The following DPYD variants were observed in gnomAD, a reference collection of about 807,000 sequenced individuals.
DPYD encodes the protein dihydropyrimidine dehydrogenase.
A neutral mutation model predicts 116.2 loss-of-function variants in DPYD; 109 were observed. The ratio of observed to expected loss-of-function variants is 0.94; its 90% CI spans 0.80 to 1.10. The LOEUF (loss-of-function observed/expected upper bound fraction) is 1.10, where lower values mean the gene tolerates loss of function less well. Ranked by LOEUF, DPYD falls within the 50% of genes least tolerant of loss-of-function variation. The pLI, the probability that DPYD is intolerant of heterozygous loss-of-function variation, is 0.00. For missense variants in DPYD, 1,302 were observed against 1,254.5 expected (o/e 1.04, Z -0.57); for synonymous variants, 440 against 432.0 (o/e 1.02, Z -0.23).
chr1:97,659,379 T>C (rs1252306470), intron 8 of DPYD, among the ~76,000 whole-genome samples: 1 of 152,144 alleles, frequency 6.6e-6, no homozygotes, highest in East Asian at 1.9e-4. Flanking sequence ...TCAATGATAA[T>C]TTTTAGATTA....
In DPYD at chr1:97,444,752, A is replaced by G. The variant is rs545702675; in HGVS notation, c.1905+5307T>C. Among the ~76,000 whole-genome samples the G allele has an allele frequency of 2.0e-5, 3 of 152,308 alleles. No homozygotes were observed. In the South Asian group the frequency reaches 6.2e-4, roughly 32 times the overall value. Reference sequence around the variant, plus strand: ...AAGGAGATTCCAATATCCAAACAGAATAGAGAGCTACTGGACATAGGTTCT... The same window carrying G: ...AAGGAGATTCCAATATCCAAACAGAGTAGAGAGCTACTGGACATAGGTTCT... On this transcript the variant is annotated intron_variant, in intron 14 of 22. Coordinates refer to ENST00000370192, the MANE Select transcript of DPYD (RefSeq NM_000110.4).
chr1:97,817,593 C>A (rs1668695322), intron 3 of DPYD, among the ~76,000 whole-genome samples: 1 of 151,954 alleles, frequency 6.6e-6, no homozygotes, highest in Non-Finnish European at 1.5e-5. Context: ...AAAATGCCAA[C>A]GTGCTTATAA....
intron 18 of DPYD, among the ~76,000 whole-genome samples, chr1:97,240,681 C>T (rs12133176): frequency 0.13 from 19,813 of 151,778 alleles, 1,386 homozygotes; most frequent in South Asian, 0.25. Context: ...TGAACCTTGA[C>T]TGTCTAATTG....
chr1:97,825,368 GT>G (rs1480306894), intron 3 of DPYD, among the ~76,000 whole-genome samples: 2 of 152,024 alleles, frequency 1.3e-5, no homozygotes, highest in African/African-American at 4.8e-5. Flanking sequence ...ACCCAAGATG[GT>G]GAAAGGCCCC....
intron 18 of DPYD, among the ~76,000 whole-genome samples, chr1:97,256,623 T>C (rs1663491558): frequency 6.6e-6 from 1 of 152,056 alleles, no homozygotes; most frequent in South Asian, 2.1e-4. Flanking sequence ...GAACTGTGAG[T>C]CCATTAAACC....
chr1:97,129,417 G>A (rs1219124996), intron 20 of DPYD, among the ~76,000 whole-genome samples: 1 of 152,032 alleles, frequency 6.6e-6, no homozygotes, highest in Admixed American at 6.6e-5. Context: ...CAAATTTTCA[G>A]TTGCCTCATA....
chr1:97,369,929 C>T (rs1671230973), intron 16 of DPYD, among the ~76,000 whole-genome samples: 1 of 152,104 alleles, frequency 6.6e-6, no homozygotes, highest in Admixed American at 6.6e-5. Flanking sequence ...TTAGTAAAAA[C>T]AAGAATCACT....
chr1:97,504,654 C>T (rs536968282), intron 13 of DPYD, among the ~76,000 whole-genome samples: 1 of 151,854 alleles, frequency 6.6e-6, no homozygotes, highest in East Asian at 1.9e-4. Context: ...AAGTATGTCT[C>T]CTAAAGAGGA....
At chr1:97,364,696 A>G (rs1374405076) in intron 16 of DPYD, among the ~76,000 whole-genome samples, 1 of 152,200 alleles carries the variant, frequency 6.6e-6, no homozygotes, top group African/African-American at 2.4e-5. Flanking sequence ...AAAATCTGTG[A>G]TTATCAATAA....
intron 11 of DPYD, among the ~76,000 whole-genome samples, chr1:97,558,200 TTC>T (rs1389046296): frequency 6.6e-6 from 1 of 152,152 alleles, no homozygotes; most frequent in Non-Finnish European, 1.5e-5. Flanking sequence ...ACTAACGACT[TTC>T]TGTTACGCTA....
At position 97,132,583 on chromosome 1, in the gene DPYD, C is replaced by G. The variant is rs533839575; in HGVS notation, c.2623-33951G>C. Among the ~76,000 whole-genome samples the G allele has an allele frequency of 2.1e-4, 32 of 152,236 alleles. No homozygotes were observed. The South Asian group carries it at 4.8e-3, about 23-fold the overall frequency. ...CAACAACTACTACATAAATTTAGCACTCTAAAAATTCTATCATAAATTCTA... is the reference window on the plus strand; with the variant it reads ...CAACAACTACTACATAAATTTAGCAGTCTAAAAATTCTATCATAAATTCTA... On this transcript the variant is annotated intron_variant, in intron 20 of 22. Transcript: ENST00000370192.
intron 4 of DPYD, among the ~76,000 whole-genome samples, chr1:97,735,334 T>C (rs1343836432): frequency 6.6e-6 from 1 of 151,864 alleles, no homozygotes; most frequent in Non-Finnish European, 1.5e-5. Flanking sequence ...CGCAGAGACT[T>C]TTAATAGTAA....
intron 18 of DPYD, among the ~76,000 whole-genome samples, chr1:97,254,834 A>G (rs1663344157): frequency 6.6e-6 from 1 of 152,180 alleles, no homozygotes; most frequent in South Asian, 2.1e-4. Context: ...TACCCAAAAC[A>G]AGAAGAAAAG....
At chr1:97,468,426 C>G in intron 13 of DPYD, among the ~76,000 whole-genome samples, 1 of 151,940 alleles carries the variant, frequency 6.6e-6, no homozygotes, top group South Asian at 2.1e-4. Flanking sequence ...TAGAAGAGAC[C>G]CCTAGAGAGA....
intron 10 of DPYD, among the ~76,000 whole-genome samples, chr1:97,582,337 C>A (rs901030428): frequency 1.3e-5 from 2 of 152,014 alleles, no homozygotes; most frequent in Admixed American, 6.6e-5. Context: ...TTAATTGTAT[C>A]CTTGAAGTTA....
chr1:97,143,075 CT>C (rs1316758851), intron 20 of DPYD, among the ~76,000 whole-genome samples: 2 of 151,626 alleles, frequency 1.3e-5, no homozygotes, highest in Non-Finnish European at 2.9e-5. Context: ...CAAATGCATG[CT>C]TTTTTTAAAT....
chr1:97,542,724 C>T lies in DPYD; in HGVS notation c.1524+6836G>A, dbSNP rs145444581. On this transcript the variant is annotated intron_variant, in intron 12 of 22. Transcript: ENST00000370192. ...TACTAGACAATAGGATTCTTACTTG[C>T]AAATTTAAATCTAATAATTGGTGCT... Among the ~76,000 whole-genome samples the T allele has an allele frequency of 7.4e-3, 1,128 of 152,186 alleles. 12 individuals carry two copies. The highest frequency in any genetic ancestry group is 0.012 in the Non-Finnish European group (820 of 67,996).
intron 7 of DPYD, chr1:97,691,494 AG>A (rs1438496568): frequency 1.9e-5 from 9 of 478,264 alleles, no homozygotes; most frequent in African/African-American, 1.8e-4. Flanking sequence ...AATCACATGC[AG>A]GCATGCCAGA....
chr1:97,739,688 G>A (rs554463817), intron 4 of DPYD, among the ~76,000 whole-genome samples: 1 of 152,070 alleles, frequency 6.6e-6, no homozygotes, highest in East Asian at 1.9e-4. Context: ...ACATTGTTCA[G>A]CCTTTGCTCA....
Sources: gnomAD v4.1 joint callset for allele counts (sites outside exome capture counted in the v4.1 genomes callset) on GRCh38, gnomAD v4.1.1 for gene constraint, MANE v1.5 for transcripts, NCBI Gene and HGNC (gene_info 2026-07-23, HGNC 2026-07-21) for gene names.